The following GALNT17 variants were observed in gnomAD, a reference collection of about 807,000 sequenced individuals.
GALNT17 encodes the protein UDP-GalNAc:polypeptide N-acetylgalactosaminyltransferase-like 3.
In GALNT17, 29 loss-of-function variants were observed where a neutral mutation model predicts 63.7. The ratio of observed to expected loss-of-function variants is 0.46; its 90% CI spans 0.34 to 0.62. The LOEUF (loss-of-function observed/expected upper bound fraction) is 0.62. GALNT17 is among the 20% of genes least tolerant of loss of function. GALNT17 has a pLI of 0.01. For missense variants in GALNT17, 603 were observed against 799.6 expected (o/e 0.75, Z 2.97); for synonymous variants, 305 against 318.3 (o/e 0.96, Z 0.45).
chr7:71,420,995 G>C lies in GALNT17; in HGVS notation c.852G>C (p.Glu284Asp), dbSNP rs746382123. 9 of 1,614,022 alleles carry C rather than the reference G, an allele frequency of 5.6e-6. No individual in the cohort carries two copies. The highest frequency in any genetic ancestry group is 7.6e-6 in the Non-Finnish European group (9 of 1,180,024). The change falls in exon 5 of 11, where the codon GAG becomes GAC. Residue 284 changes from glutamate (E) to aspartate (D), a missense_variant. By Grantham distance (45) the Glu-to-Asp change is conservative. Coordinates refer to ENST00000333538, the MANE Select transcript of GALNT17 (RefSeq NM_022479.3). ...ACAACATCAAACAGGACAACTTTGAGGTGCAGCGGTACGAGAACTCGGCCC... is the reference window on the plus strand; with the variant it reads ...ACAACATCAAACAGGACAACTTTGACGTGCAGCGGTACGAGAACTCGGCCC... ...SIDNIKQDNF[E>D]VQRYENSAHG...
intron 5 of GALNT17, among the ~76,000 whole-genome samples, chr7:71,525,098 A>G (rs1788601679): frequency 6.6e-6 from 1 of 152,212 alleles, no homozygotes; most frequent in Non-Finnish European, 1.5e-5. Context: ...TACCATTAAA[A>G]GTCATGGCAA....
Position 71,134,732 on chromosome 7 carries a change from G to A in GALNT17, c.238+1692G>A, listed in dbSNP as rs144926927. 2.4e-4 allele frequency among the ~76,000 whole-genome samples: 37 copies of A among 151,556 alleles called. No homozygotes were observed. In the East Asian group the frequency reaches 6.8e-3, roughly 28 times the overall value. ...GCCTTATAATTTGGGATAGATTCCT[G>A]CTGTAGACATACCCATAGGAACTTC... On this transcript the variant is annotated intron_variant, in intron 1 of 10. Transcript: ENST00000333538.
At chr7:71,590,954 T>C (rs1789790570) in intron 6 of GALNT17, among the ~76,000 whole-genome samples, 1 of 152,178 alleles carries the variant, frequency 6.6e-6, no homozygotes, top group Non-Finnish European at 1.5e-5. Context: ...ACAGACAGGG[T>C]TTCGCCATAT....
chr7:71,525,053 T>C (rs1382358281), intron 5 of GALNT17, among the ~76,000 whole-genome samples: 1 of 152,224 alleles, frequency 6.6e-6, no homozygotes, highest in Non-Finnish European at 1.5e-5. Flanking sequence ...AAAAGATACA[T>C]TTTATTAAGT....
At chr7:71,267,214 C>G (rs1412906254) in intron 1 of GALNT17, among the ~76,000 whole-genome samples, 1 of 152,190 alleles carries the variant, frequency 6.6e-6, no homozygotes, top group Non-Finnish European at 1.5e-5. Context: ...CTGGTTCTGT[C>G]GAGCTCCCCA....
rs895023682 is a variant in GALNT17 at position 71,711,051 on chromosome 7, C to G, written c.1668+123C>G. ...GCGACCCCGAACCCAGGTCTCCCTG[C>G]CCCGGGCTGGGCTTGTGGACCCAAA... is the stretch of plus-strand genomic sequence containing the variant. On this transcript the variant is annotated intron_variant, in intron 10 of 10. Transcript: ENST00000333538. The G allele has an allele frequency of 1.1e-5, 15 of 1,340,126 alleles. No homozygotes were observed. The African/African-American group carries it at 1.9e-4, about 17-fold the overall frequency. 83.0% of individuals were successfully genotyped at this position (1,340,126 alleles called of 1,614,324 possible).
At chr7:71,346,868 GC>G (rs1184643514) in intron 2 of GALNT17, among the ~76,000 whole-genome samples, 1 of 152,008 alleles carries the variant, frequency 6.6e-6, no homozygotes, top group Non-Finnish European at 1.5e-5. Context: ...AATTTGAGTA[GC>G]TATTGCCTGT....
chr7:71,474,790 T>TA (rs1440294751), intron 5 of GALNT17, among the ~76,000 whole-genome samples: 1 of 152,172 alleles, frequency 6.6e-6, no homozygotes, highest in East Asian at 1.9e-4. Flanking sequence ...CTGTGAATGT[T>TA]ACTTCATGTG....
At chr7:71,332,121 G>C (rs1350398507) in intron 1 of GALNT17, among the ~76,000 whole-genome samples, 1 of 152,088 alleles carries the variant, frequency 6.6e-6, no homozygotes, top group Admixed American at 6.5e-5. Flanking sequence ...TGATTGTCTT[G>C]AGTACTCTCT....
At chr7:71,202,126 G>T (rs1796078) in intron 1 of GALNT17, among the ~76,000 whole-genome samples, 1 of 151,536 alleles carries the variant, frequency 6.6e-6, no homozygotes, top group African/African-American at 2.4e-5. Context: ...TTTTTCTCTC[G>T]TTTTTTTCTG....
At chr7:71,335,332 G>T (rs550144263) in intron 1 of GALNT17, among the ~76,000 whole-genome samples, 2 of 152,098 alleles carry the variant, frequency 1.3e-5, no homozygotes, top group South Asian at 4.2e-4. Flanking sequence ...AGAGGGAGAG[G>T]ATTCTAACCA....
intron 5 of GALNT17, among the ~76,000 whole-genome samples, chr7:71,444,444 C>T (rs958861412): frequency 6.6e-6 from 1 of 152,148 alleles, no homozygotes; most frequent in Admixed American, 6.5e-5. Flanking sequence ...AGGATATAGA[C>T]ACCTGCAGGC....
chr7:71,677,459 G>T (rs1791170216), intron 9 of GALNT17, among the ~76,000 whole-genome samples, 153 bp downstream of exon 9: 1 of 151,740 alleles, frequency 6.6e-6, no homozygotes, highest in South Asian at 2.1e-4. Flanking sequence ...AGTCTTTCTG[G>T]TTATTTCTGT....
chr7:71,241,272 G>C (rs1789990737), intron 1 of GALNT17, among the ~76,000 whole-genome samples: 1 of 152,166 alleles, frequency 6.6e-6, no homozygotes, highest in South Asian at 2.1e-4. Context: ...AGTTGTTTGG[G>C]TAAGTAAGCT....
intron 6 of GALNT17, among the ~76,000 whole-genome samples, chr7:71,664,441 C>G (rs1790953989): frequency 6.6e-6 from 1 of 152,096 alleles, no homozygotes. Context: ...GAGACCTCAT[C>G]TCTACAAAAA....
In GALNT17 at chr7:71,417,593, A is replaced by T. The variant is rs994794304; in HGVS notation, c.764+1530A>T. Among the ~76,000 whole-genome samples, 6 of 152,168 alleles carry T rather than the reference A, an allele frequency of 3.9e-5. No individual in the cohort carries two copies. The East Asian group carries it at 1.2e-3, about 29-fold the overall frequency. On this transcript the variant is annotated intron_variant, in intron 4 of 10. Transcript: ENST00000333538. Reference sequence around the variant, plus strand: ...CTCCACTCAGTCCCCTGAAATCAGAAGCCGTGCAGGTGAGATCCAGCGATC... The same window carrying T: ...CTCCACTCAGTCCCCTGAAATCAGATGCCGTGCAGGTGAGATCCAGCGATC...
intron 5 of GALNT17, among the ~76,000 whole-genome samples, chr7:71,532,983 A>G (rs565643122): frequency 8.0e-4 from 122 of 152,232 alleles, no homozygotes; most frequent in African/African-American, 2.9e-3. Context: ...CAAACCCTGC[A>G]TGAGGTCGGA....
chr7:71,172,343 G>A (rs1788560974), intron 1 of GALNT17, among the ~76,000 whole-genome samples: 1 of 151,768 alleles, frequency 6.6e-6, no homozygotes, highest in Non-Finnish European at 1.5e-5. Context: ...TGCGGACCCA[G>A]CTACTCAGGA....
At chr7:71,207,048 G>A (rs565686309) in intron 1 of GALNT17, among the ~76,000 whole-genome samples, 197 of 152,172 alleles carry the variant, frequency 1.3e-3, no homozygotes, top group African/African-American at 4.5e-3. Flanking sequence ...GGAGCTTGCA[G>A]TGAGCCAAGA....
Sources: allele counts gnomAD v4.1 joint callset (sites outside exome capture counted in the v4.1 genomes callset), GRCh38; gene constraint gnomAD v4.1.1; transcripts MANE v1.5; gene names NCBI Gene and HGNC (gene_info 2026-07-23, HGNC 2026-07-21).